UBR3: variants seen among roughly 807,000 people sequenced by gnomAD.
UBR3 encodes the protein ubiquitin protein ligase E3 component n-recognin 3, also known as E3 ubiquitin-protein ligase UBR3.
UBR3 carries 85 observed loss-of-function variants against 243.2 expected under a neutral mutation model. The ratio of observed to expected loss-of-function variants is 0.35; its 90% confidence interval spans 0.29 to 0.42. UBR3 has a LOEUF of 0.42. Among genes scored for constraint, UBR3 ranks in the 10% least tolerant of loss-of-function variants. UBR3 has a pLI of 1.00. For missense variants in UBR3, 1,686 were observed against 2,300.8 expected, an observed-to-expected ratio of 0.73 and a Z score of 5.47; for synonymous variants, 748 against 799.8, an observed-to-expected ratio of 0.94 and a Z score of 1.09.
intron 1 of UBR3, among the ~76,000 whole-genome samples, chr2:169,850,610 C>T (rs538861671): frequency 3.6e-4 from 55 of 152,214 alleles, no homozygotes; most frequent in African/African-American, 1.2e-3. Context: ...TTTGGGAGGC[C>T]GAGGCGGGTG....
At chr2:169,961,862 A>AT (rs1037162206) in intron 24 of UBR3, among the ~76,000 whole-genome samples, 4 of 136,776 alleles carry the variant, frequency 2.9e-5, no homozygotes, top group Non-Finnish European at 4.7e-5. Context: ...AACTATGAGA[A>AT]TTTTTTCCCA....
chr2:169,950,138 G>A (rs960735224), intron 23 of UBR3, 73 bp downstream of exon 23: 31 of 1,367,546 alleles, frequency 2.3e-5, no homozygotes, highest in Non-Finnish European at 2.9e-5. Flanking sequence ...TTGGTCATTT[G>A]AGGATAATCA....
At chr2:169,883,054 G>T (rs963196983) in intron 5 of UBR3, among the ~76,000 whole-genome samples, 3 of 152,124 alleles carry the variant, frequency 2.0e-5, no homozygotes, top group Admixed American at 1.3e-4. Flanking sequence ...CAGCAAATTT[G>T]CCCAAAGCTT....
At chr2:169,881,424 C>T (rs1452099964) in intron 5 of UBR3, among the ~76,000 whole-genome samples, 1 of 151,856 alleles carries the variant, frequency 6.6e-6, no homozygotes, top group Non-Finnish European at 1.5e-5. Context: ...GGTGATCCGC[C>T]CACCTTGGCC....
At chr2:170,074,856 G>T (rs1228572844) in intron 36 of UBR3, among the ~76,000 whole-genome samples, 1 of 152,110 alleles carries the variant, frequency 6.6e-6, no homozygotes, top group Non-Finnish European at 1.5e-5. Context: ...CCACGAAGCA[G>T]AAATTGTTCC....
In UBR3 at chr2:169,877,614, G is replaced by A; in HGVS notation, c.965G>A (p.Gly322Asp). 6.5e-7 allele frequency: 1 copy of A among 1,545,556 alleles called. No homozygotes were observed. The highest frequency in any genetic ancestry group is 8.7e-7 in the Non-Finnish European group (1 of 1,145,774). Reference sequence around the variant, plus strand: ...TATGGTGTGCAGGAGCCATCTGCTGGTACTAGTTCTCTGGCTGTTCAAGGT... The same window carrying A: ...TATGGTGTGCAGGAGCCATCTGCTGATACTAGTTCTCTGGCTGTTCAAGGT... Reference protein sequence around the residue: ...LVYGVQEPSAGTSSLAVQGFI... With the variant: ...LVYGVQEPSADTSSLAVQGFI... Residue 322 changes from glycine (G) to aspartate (D), a missense_variant, in exon 4 of 39, where the codon GGT (glycine) becomes GAT (aspartate). By Grantham distance (94) the Gly-to-Asp change is moderately conservative (BLOSUM62 -1). Around this residue, in one of 8 missense-constraint regions of UBR3, gnomAD observed 200 missense variants for 231.6 expected, o/e 0.86. Transcript: ENST00000272793.
intron 32 of UBR3, among the ~76,000 whole-genome samples, chr2:170,051,914 G>A (rs1216889463): frequency 2.0e-5 from 3 of 151,798 alleles, no homozygotes; most frequent in Admixed American, 6.6e-5. Flanking sequence ...TAAATGAATT[G>A]TTCTTTATTT....
In UBR3 at chr2:169,877,537, C is replaced by T; in HGVS notation, c.888C>T (p.Tyr296=). Residue 296 remains tyrosine (Y), a synonymous_variant, in exon 4 of 39, where the codon TAC becomes TAT. Transcript: ENST00000272793. ...GTGTAAAGAAAAGTCATGAAAAGTA[C>T]CTTATAGCTTTAAAGAGCTCTGGAC... ...NACVKKSHEK[Y]LIALKSSGLT... 2.6e-6 allele frequency: 4 copies of T among 1,545,892 alleles called. No individual in the cohort carries two copies. The highest frequency in any genetic ancestry group is 3.5e-6 in the Non-Finnish European group (4 of 1,145,806).
chr2:170,021,446 C>T (rs908607820), intron 30 of UBR3, among the ~76,000 whole-genome samples: 2 of 152,078 alleles, frequency 1.3e-5, no homozygotes, highest in African/African-American at 4.8e-5. Flanking sequence ...CTCACTGTAA[C>T]CTCACGTGGT....
At chr2:169,829,788 A>G (rs1046241363) in intron 1 of UBR3, among the ~76,000 whole-genome samples, 5 of 150,934 alleles carry the variant, frequency 3.3e-5, no homozygotes, top group African/African-American at 1.2e-4. Flanking sequence ...TTAATATTTG[A>G]ATAGGTAAAA....
chr2:169,967,639 C>G (rs981299273), intron 24 of UBR3, among the ~76,000 whole-genome samples: 1 of 152,064 alleles, frequency 6.6e-6, no homozygotes, highest in Admixed American at 6.6e-5. Flanking sequence ...CAGCATCTTA[C>G]ATTAAGATTT....
intron 33 of UBR3, among the ~76,000 whole-genome samples, chr2:170,056,788 G>A (rs1019327762): frequency 6.6e-6 from 1 of 152,156 alleles, no homozygotes; most frequent in Non-Finnish European, 1.5e-5. Context: ...ATTTAATATC[G>A]TATCATCACA....
intron 1 of UBR3, among the ~76,000 whole-genome samples, chr2:169,840,247 C>A (rs1299277753): frequency 1.3e-5 from 2 of 152,212 alleles, no homozygotes; most frequent in African/African-American, 4.8e-5. Context: ...ACTTTCCCCC[C>A]ACCTCCCTCT....
rs947410397 is a variant in UBR3 at position 170,055,547 on chromosome 2, A to C, written c.4748A>C (p.Asp1583Ala). ...AALSVKCSEE[D>A]RSAWKHAGAL... Reference sequence around the variant, plus strand: ...CTCTCAGTTAAATGCAGCGAAGAAGATAGGTCAGCCTGGAAACACGCGGGA... The same window carrying C: ...CTCTCAGTTAAATGCAGCGAAGAAGCTAGGTCAGCCTGGAAACACGCGGGA... The change falls in exon 33 of 39, where the codon GAT becomes GCT. Residue 1583 changes from aspartate to alanine, a missense_variant. Physicochemically the swap from Asp to Ala is moderately radical, Grantham distance 126. Transcript: ENST00000272793. 2 of 1,613,702 alleles carry C rather than the reference A, an allele frequency of 1.2e-6. No homozygotes were observed. Among genetic ancestry groups the C allele is most frequent in the Non-Finnish European group, 1.7e-6 (2 of 1,179,676 alleles).
intron 26 of UBR3, among the ~76,000 whole-genome samples, chr2:169,997,842 A>G (rs1027415390): frequency 1.3e-5 from 2 of 152,114 alleles, no homozygotes; most frequent in Admixed American, 6.5e-5. Flanking sequence ...GGGGGAGTGC[A>G]TGCTGAATGA....
At position 169,946,360 on chromosome 2, in the gene UBR3, GA is replaced by G; in HGVS notation, c.2882del (p.Asn961IlefsTer29). On this transcript the variant is annotated frameshift_variant, in exon 21 of 39. Coordinates refer to ENST00000272793, the MANE Select transcript of UBR3 (RefSeq NM_172070.4). LOFTEE classifies it high-confidence loss of function. ...MVLYLIELGLENSAEEESDEE... is the reference protein window; with the variant it reads ...MVLYLIELGLXNSAEEESDEE... ...TTTATATCTGATTGAATTAGGACTT[GA>G]AAATTCTGCTGAAGAAGAATCAGAT... 6.7e-7 allele frequency: 1 copy of G among 1,503,512 alleles called. No individual in the cohort carries two copies. The highest frequency in any genetic ancestry group is 1.3e-5 in the South Asian group (1 of 75,922). The allele number at this position is 1,503,512 out of a possible 1,614,324, so 93.1% of individuals were successfully genotyped here.
At chr2:169,914,817 G>T (rs1228903062) in intron 11 of UBR3, among the ~76,000 whole-genome samples, 2 of 151,128 alleles carry the variant, frequency 1.3e-5, no homozygotes, top group African/African-American at 4.9e-5. Context: ...GTGTTTGTGT[G>T]TATATGTGGA....
chr2:170,020,613 CCT>C (rs1316865419), intron 30 of UBR3, among the ~76,000 whole-genome samples: 1 of 152,130 alleles, frequency 6.6e-6, no homozygotes, highest in Non-Finnish European at 1.5e-5. Context: ...GCTTTTCCCC[CCT>C]GTTAATTAAC....
chr2:169,985,674 A>G (rs1033497626), intron 24 of UBR3, among the ~76,000 whole-genome samples: 1 of 151,906 alleles, frequency 6.6e-6, no homozygotes, highest in Admixed American at 6.6e-5. Context: ...TTTGTTTGCT[A>G]ATTTCTTTGT....
Sources: allele counts gnomAD v4.1 joint callset (sites outside exome capture counted in the v4.1 genomes callset), GRCh38; gene constraint gnomAD v4.1.1; regional missense constraint gnomAD v4.1.1; transcripts MANE v1.5; gene names NCBI Gene and HGNC (gene_info 2026-07-23, HGNC 2026-07-21).